The following POU2F1 variants were observed in gnomAD, a reference collection of about 807,000 sequenced individuals.
POU2F1 encodes POU class 2 homeobox 1, also known as POU domain, class 2, transcription factor 1.
POU2F1 carries 16 observed loss-of-function variants against 84.9 expected under a neutral mutation model. That is an observed-to-expected ratio of 0.19 (90% CI 0.13 to 0.29). The LOEUF (loss-of-function observed/expected upper bound fraction) is 0.29, where lower values mean the gene tolerates loss of function less well. Among genes scored for constraint, POU2F1 ranks in the 10% least tolerant of loss-of-function variants. The probability of loss-of-function intolerance (pLI) is 1.00; values close to 1 mark genes in which losing one functional copy is unlikely to be tolerated. For missense variants in POU2F1, 738 were observed against 942.6 expected (o/e 0.78, Z 2.84); for synonymous variants, 368 against 368.3 (o/e 1.00, Z 0.01).
rs1201156625 is a variant in POU2F1 at position 167,310,624 on chromosome 1, G to A, written c.62-21846G>A. Among the ~76,000 whole-genome samples, 5 of 152,050 alleles carry A rather than the reference G, an allele frequency of 3.3e-5. No individual in the cohort carries two copies. The East Asian group carries it at 9.6e-4, about 29-fold the overall frequency. On this transcript the variant is annotated intron_variant, in intron 1 of 15. Coordinates refer to ENST00000367866, the MANE Select transcript of POU2F1 (RefSeq NM_002697.4). Reference sequence around the variant, plus strand: ...CAGAAATGTCCATGTACGTAAAAATGTTTAATATAAAATGCCTAATAATCA... The same window carrying A: ...CAGAAATGTCCATGTACGTAAAAATATTTAATATAAAATGCCTAATAATCA...
intron 9 of POU2F1, among the ~76,000 whole-genome samples, chr1:167,394,413 T>G (rs78545752): frequency 0.017 from 2,568 of 152,286 alleles, 72 homozygotes; most frequent in African/African-American, 0.058. Context: ...TACAGTATAA[T>G]GGATAGCATT....
intron 1 of POU2F1, among the ~76,000 whole-genome samples, chr1:167,256,548 C>G (rs936553232): frequency 3.3e-5 from 5 of 152,040 alleles, no homozygotes; most frequent in African/African-American, 1.2e-4. Flanking sequence ...TGAATTTCAA[C>G]TTGAGAATAA....
chr1:167,338,425 A>T (rs1473623544), intron 2 of POU2F1, among the ~76,000 whole-genome samples: 1 of 152,196 alleles, frequency 6.6e-6, no homozygotes, highest in African/African-American at 2.4e-5. Flanking sequence ...GTCAGATGTT[A>T]CATGCAGATT....
chr1:167,355,304 CCT>C (rs1409607308), intron 2 of POU2F1, among the ~76,000 whole-genome samples: 1 of 152,012 alleles, frequency 6.6e-6, no homozygotes, highest in Non-Finnish European at 1.5e-5. Context: ...CCCTTCCTCA[CCT>C]CTGTCATGTT....
chr1:167,351,520 A>C (rs1263189148), intron 2 of POU2F1, among the ~76,000 whole-genome samples: 1 of 89,728 alleles, frequency 1.1e-5, no homozygotes, highest in Non-Finnish European at 2.4e-5. Context: ...GCACCATCTC[A>C]AAAAAAAAAA....
chr1:167,376,235 T>C lies in POU2F1; in HGVS notation c.718+80T>C. On this transcript the variant is annotated intron_variant, in intron 7 of 15. Coordinates refer to ENST00000367866, the MANE Select transcript of POU2F1 (RefSeq NM_002697.4). The stretch of plus-strand genomic sequence containing the variant: ...TACACATGCATGAACTACTATCATT[T>C]TGGCCCTGAAACTATTAGACCAATG... 2.8e-6 allele frequency: 4 copies of C among 1,442,238 alleles called. No homozygotes were observed. In the South Asian group the frequency reaches 5.9e-5, roughly 21 times the overall value. The allele number at this position is 1,442,238 out of a possible 1,614,324, so 89.3% of individuals were successfully genotyped here.
Position 167,382,921 on chromosome 1 carries a change from A to C in POU2F1, c.719-936A>C, listed in dbSNP as rs1022081325. ...CTATGGCTAATCTCTGGCAGGCTTA[A>C]GTGTTCTGGCTGTTGTCCTACATAT... is the stretch of plus-strand genomic sequence containing the variant. On this transcript the variant is annotated intron_variant, in intron 7 of 15. Coordinates refer to ENST00000367866, the MANE Select transcript of POU2F1 (RefSeq NM_002697.4). Among the ~76,000 whole-genome samples, 51 of 152,160 alleles carry C rather than the reference A, an allele frequency of 3.4e-4. 1 individual carries two copies. The highest frequency in any genetic ancestry group is 2.4e-5 in the African/African-American group (1 of 41,450).
chr1:167,267,891 C>T (rs988386603), intron 1 of POU2F1, among the ~76,000 whole-genome samples: 2 of 151,938 alleles, frequency 1.3e-5, no homozygotes, highest in African/African-American at 2.4e-5. Flanking sequence ...CTGCCTGCCT[C>T]GAGCCTCCCA....
chr1:167,399,909 A>C (rs1247402086), intron 12 of POU2F1, among the ~76,000 whole-genome samples: 1 of 148,468 alleles, frequency 6.7e-6, no homozygotes, highest in Non-Finnish European at 1.5e-5. Flanking sequence ...TCCTGACCTC[A>C]AGTGATCCCT....
intron 13 of POU2F1, among the ~76,000 whole-genome samples, chr1:167,409,646 G>C (rs554262827): frequency 2.0e-5 from 3 of 152,260 alleles, no homozygotes; most frequent in African/African-American, 7.2e-5. Flanking sequence ...ATCATCTTCT[G>C]GCCTAGGTTA....
At chr1:167,398,260 A>C (rs1648951880) in intron 11 of POU2F1, 127 bp downstream of exon 11, 4 of 1,129,426 alleles carry the variant, frequency 3.5e-6, no homozygotes, top group Non-Finnish European at 5.0e-6. Context: ...GATTATAAAT[A>C]GGTGAAGTAA....
In POU2F1 at chr1:167,358,327, A is replaced by G. The variant is rs1393049291; in HGVS notation, c.128-7140A>G. 1.3e-5 allele frequency among the ~76,000 whole-genome samples: 2 copies of G among 151,658 alleles called. 1 individual carries two copies. Among genetic ancestry groups the G allele is most frequent in the Middle Eastern group, 6.8e-3 (2 of 294 alleles). ...ATTATTATTTAGTATTTTTTCATAT[A>G]TGTTTATGAATGAAACTGGCTTGTA... On this transcript the variant is annotated intron_variant, in intron 2 of 15. Transcript: ENST00000367866.
intron 11 of POU2F1, 128 bp downstream of exon 11, chr1:167,398,261 G>A (rs1648952475): frequency 8.9e-7 from 1 of 1,127,464 alleles, no homozygotes; most frequent in African/African-American, 1.6e-5. Flanking sequence ...ATTATAAATA[G>A]GTGAAGTAAG....
intron 14 of POU2F1, among the ~76,000 whole-genome samples, 170 bp downstream of exon 14, chr1:167,412,474 AGTTTAT>A (rs1408428842): frequency 2.0e-5 from 3 of 152,110 alleles, no homozygotes; most frequent in East Asian, 1.9e-4. Flanking sequence ...ATTATAGTTG[AGTTTAT>A]GTTTCTTAAC....
At chr1:167,304,064 GTGT>G in intron 1 of POU2F1, among the ~76,000 whole-genome samples, 1 of 152,300 alleles carries the variant, frequency 6.6e-6, no homozygotes, top group South Asian at 2.1e-4. Flanking sequence ...CAGCTAGCTA[GTGT>G]AGAACAGAGA....
At chr1:167,221,554 C>T (rs1272676314) in intron 1 of POU2F1, among the ~76,000 whole-genome samples, 2 of 149,040 alleles carry the variant, frequency 1.3e-5, no homozygotes, top group Admixed American at 6.6e-5. Flanking sequence ...GGAGCGGGCC[C>T]GGGCGGGGGG....
intron 7 of POU2F1, among the ~76,000 whole-genome samples, chr1:167,377,832 T>G (rs1019924293): frequency 2.0e-5 from 3 of 152,108 alleles, no homozygotes; most frequent in African/African-American, 7.2e-5. Context: ...CCCTCTACCC[T>G]CAAGTAGGCC....
rs547802882 is a variant in POU2F1 at position 167,371,397 on chromosome 1, G to A, written c.283-520G>A. 7.2e-5 allele frequency among the ~76,000 whole-genome samples: 11 copies of A among 152,188 alleles called. No homozygotes were observed. The East Asian group carries it at 1.5e-3, about 21-fold the overall frequency. On this transcript the variant is annotated intron_variant, in intron 4 of 15. Coordinates refer to ENST00000367866, the MANE Select transcript of POU2F1 (RefSeq NM_002697.4). The stretch of plus-strand genomic sequence containing the variant: ...TTAATTACCGTAAAATTTTCTCTTC[G>A]TGCCCCTCTCTCTTGACTGCAGCAT...
intron 1 of POU2F1, among the ~76,000 whole-genome samples, chr1:167,261,820 G>A (rs1488735075): frequency 6.6e-6 from 1 of 152,114 alleles, no homozygotes; most frequent in Non-Finnish European, 1.5e-5. Flanking sequence ...GAGTAGCTGG[G>A]ATTACAGGCA....
Sources: allele counts gnomAD v4.1 joint callset (sites outside exome capture counted in the v4.1 genomes callset), GRCh38; gene constraint gnomAD v4.1.1; transcripts MANE v1.5; gene names NCBI Gene and HGNC (gene_info 2026-07-23, HGNC 2026-07-21).